Variants in PRPF31 observed in about 807,000 individuals in gnomAD.
PRPF31 encodes the protein U4/U6 small nuclear ribonucleoprotein Prp31.
Under a neutral mutation model 60.4 loss-of-function variants are expected in PRPF31, and 12 were observed. The observed-to-expected ratio is 0.20, with a 90% CI of 0.13 to 0.32. The LOEUF (loss-of-function observed/expected upper bound fraction) is 0.32, where lower values mean the gene tolerates loss of function less well. PRPF31 is among the 10% of genes least tolerant of loss of function. PRPF31 has a pLI of 1.00. For synonymous variants in PRPF31, 287 were observed against 287.9 expected, an observed-to-expected ratio of 1.00 and a Z score of 0.03; for missense variants, 431 against 687.1, an observed-to-expected ratio of 0.63 and a Z score of 4.17.
chr19:54,127,756 T>C (rs73062645), intron 9 of PRPF31, among the ~76,000 whole-genome samples: 6,832 of 152,250 alleles, frequency 0.045, 196 homozygotes, highest in Non-Finnish European at 0.062. Context: ...CCGTGTCCCC[T>C]TCTCCTTTCC....
At chr19:54,126,461 G>T (rs1313845718) in intron 8 of PRPF31, 67 bp from the exon 9 acceptor site, 2 of 1,505,080 alleles carry the variant, frequency 1.3e-6, no homozygotes, top group Admixed American at 1.9e-5. Flanking sequence ...AGCGCGCGCG[G>T]TTGCTTTGCT....
chr19:54,120,683 T>C (rs1440655417), intron 3 of PRPF31, among the ~76,000 whole-genome samples: 1 of 152,216 alleles, frequency 6.6e-6, no homozygotes, highest in Non-Finnish European at 1.5e-5. Context: ...CGATCCCAGC[T>C]CACTGCAGCC....
chr19:54,128,504 C>CCA (rs1555794340), intron 11 of PRPF31, 127 bp downstream of exon 11: 13 of 955,614 alleles, frequency 1.4e-5, no homozygotes, highest in Non-Finnish European at 2.1e-5. Flanking sequence ...CCCCAGCCTC[C>CCA]CCCCCCCCGG....
chr19:54,128,422 C>T lies in PRPF31; in HGVS notation c.1146+45C>T, dbSNP rs115763035. 3,693 of 1,519,240 alleles carry T rather than the reference C, an allele frequency of 2.4e-3. 79 individuals carry two copies. The African/African-American group carries it at 0.042, about 17-fold the overall frequency. 94.1% of individuals were successfully genotyped at this position (1,519,240 alleles called of 1,614,324 possible). On this transcript the variant is annotated intron_variant, in intron 11 of 13. Transcript: ENST00000321030. The stretch of plus-strand genomic sequence containing the variant: ...CTCCTCAACCCCACAGCCAGCCAGC[C>T]GCCACCGCCCTCTGCCTCCTGCCAC...
At chr19:54,121,719 A>T (rs2073793768) in intron 3 of PRPF31, 141 bp from the exon 4 acceptor site, 1 of 776,990 alleles carries the variant, frequency 1.3e-6, no homozygotes, top group Non-Finnish European at 2.2e-6. Flanking sequence ...GGATGTCTGC[A>T]GACATCAGCC....
At position 54,129,259 on chromosome 19, in the gene PRPF31, G is replaced by A; in HGVS notation, c.1276-13G>A. ...GGGGAGCCCAGATCGCAGCCTCCCT[G>A]TCCTCCCCACAGCGGACCCTGCAGA... On this transcript the variant is annotated splice_polypyrimidine_tract_variant and intron_variant, in intron 12 of 13. Transcript: ENST00000321030. The A allele has an allele frequency of 1.9e-6, 3 of 1,609,968 alleles. No individual in the cohort carries two copies. Among genetic ancestry groups the A allele is most frequent in the Non-Finnish European group, 2.5e-6 (3 of 1,178,784 alleles).
At chr19:54,116,082 T>C (rs760102944) in intron 1 of PRPF31, among the ~76,000 whole-genome samples, 2 of 151,032 alleles carry the variant, frequency 1.3e-5, no homozygotes, top group Non-Finnish European at 2.9e-5. Flanking sequence ...TTTGTATTTT[T>C]AGTAGAGACG....
At chr19:54,125,137 G>A (rs1247514747) in intron 8 of PRPF31, 2 of 227,516 alleles carry the variant, frequency 8.8e-6, no homozygotes, top group Non-Finnish European at 1.8e-5. Context: ...AGCTTCCCGG[G>A]TCCTCTCCCT....
chr19:54,130,391 C>A (rs764992776), intron 13 of PRPF31, among the ~76,000 whole-genome samples: 1 of 152,120 alleles, frequency 6.6e-6, no homozygotes, highest in Non-Finnish European at 1.5e-5. Flanking sequence ...TTTGGGAGGC[C>A]GAGGCAGGTG....
At chr19:54,121,808 G>C (rs770251550) in intron 3 of PRPF31, 52 bp from the exon 4 acceptor site, 1 of 1,540,264 alleles carries the variant, frequency 6.5e-7, no homozygotes, top group African/African-American at 1.4e-5. Context: ...TGCGGGACCC[G>C]AGAGGGGGTA....
rs56234781 is a variant in PRPF31 at position 54,124,083 on chromosome 19, A to C, written c.697+165A>C. ...CCAGCCTGGCACACAGCAAAGCCTC[A>C]TCTGTGGGAAAAACACTCACCCACA... On this transcript the variant is annotated intron_variant, in intron 7 of 13. Transcript: ENST00000321030. 1.7e-5 allele frequency: 24 copies of C among 1,398,176 alleles called. No individual in the cohort carries two copies. In the East Asian group the frequency reaches 4.3e-4, roughly 25 times the overall value. 86.6% of individuals were successfully genotyped at this position (1,398,176 alleles called of 1,614,324 possible).
chr19:54,127,933 A>C, intron 9 of PRPF31, 140 bp from the exon 10 acceptor site: 1 of 1,237,602 alleles, frequency 8.1e-7, no homozygotes, highest in Middle Eastern at 2.7e-4. Flanking sequence ...ACCAAGAAGA[A>C]AAAGAAAGGG....
Position 54,125,512 on chromosome 19 carries a change from AAG to A in PRPF31, c.855+857_855+858del, listed in dbSNP as rs2073899402. 1.3e-4 allele frequency among the ~76,000 whole-genome samples: 18 copies of A among 137,854 alleles called. No homozygotes were observed. The East Asian group carries it at 2.3e-3, about 18-fold the overall frequency. 90.4% of individuals were successfully genotyped at this position (137,854 alleles called of 152,430 possible). ...CTCTGTCTCAAAAAAAAAAAAAAAC[AAG>A]CAAGACAGGTTCTGGGACAGACAGG... On this transcript the variant is annotated intron_variant, in intron 8 of 13. Transcript: ENST00000321030.
chr19:54,126,243 C>T (rs2073916850), intron 8 of PRPF31, among the ~76,000 whole-genome samples: 1 of 152,216 alleles, frequency 6.6e-6, no homozygotes, highest in South Asian at 2.1e-4. Context: ...GCCGAGTGCA[C>T]TCCCCCCGGC....
intron 9 of PRPF31, among the ~76,000 whole-genome samples, chr19:54,127,381 C>T (rs936081468): frequency 2.6e-5 from 4 of 152,152 alleles, no homozygotes; most frequent in Non-Finnish European, 4.4e-5. Flanking sequence ...CTTCATATCT[C>T]CGCCTCTGTT....
At position 54,122,611 on chromosome 19, in the gene PRPF31, T is replaced by G. The variant is rs763670532; in HGVS notation, c.420+17T>G. 9 of 1,606,334 alleles carry G rather than the reference T, an allele frequency of 5.6e-6. No homozygotes were observed. In the East Asian group the frequency reaches 2.0e-4, roughly 36 times the overall value. ...ACGGTCAAGGTGAGCGCAGAGAAGG[T>G]GGGGTGCTTCTGCTGGCGTGAAGGG... On this transcript the variant is annotated intron_variant, in intron 5 of 13. Transcript: ENST00000321030.
At chr19:54,119,071 T>G (rs74445695) in intron 3 of PRPF31, among the ~76,000 whole-genome samples, 3,530 of 152,174 alleles carry the variant, frequency 0.023, 136 homozygotes, top group African/African-American at 0.081. Flanking sequence ...TGTATAAAAA[T>G]AGATATATAA....
At position 54,126,360 on chromosome 19, in the gene PRPF31, T is replaced by A. The variant is rs1162430575; in HGVS notation, c.856-168T>A. 1.5e-5 allele frequency: 10 copies of A among 689,174 alleles called. No individual in the cohort carries two copies. The East Asian group carries it at 2.7e-4, about 19-fold the overall frequency. The allele number at this position is 689,174 out of a possible 1,614,324, so 42.7% of individuals were successfully genotyped here. A position where few individuals can be genotyped will look rare whatever the true frequency, so the allele number is the denominator to read the frequency against. On this transcript the variant is annotated intron_variant, in intron 8 of 13. Coordinates refer to ENST00000321030, the MANE Select transcript of PRPF31 (RefSeq NM_015629.4). ...GGCTCTGTGCCCTGCCCTCATCCCC[T>A]CTTCCTGTGAAGTAGGAGCTGAGAG...
At position 54,123,495 on chromosome 19, in the gene PRPF31, C is replaced by T. The variant is rs967687441; in HGVS notation, c.462C>T (p.Asn154=). ...NSLDKCKNNE[N]LQQILTNATI... ...TGGACAAGTGCAAGAACAATGAGAA[C>T]CTGCAGCAGATCCTCACCAATGCCA... is the stretch of plus-strand genomic sequence containing the variant. Residue 154 remains asparagine (N), a synonymous_variant, in exon 6 of 14, where the codon AAC becomes AAT. Transcript: ENST00000321030. 1 of 1,614,060 alleles carries T rather than the reference C, an allele frequency of 6.2e-7. No homozygotes were observed. The highest frequency in any genetic ancestry group is 8.5e-7 in the Non-Finnish European group (1 of 1,180,034).
Sources: allele counts gnomAD v4.1 joint callset (sites outside exome capture counted in the v4.1 genomes callset), GRCh38; gene constraint gnomAD v4.1.1; transcripts MANE v1.5; gene names NCBI Gene and HGNC (gene_info 2026-07-23, HGNC 2026-07-21).